Variants in RAB31 observed in about 807,000 individuals in gnomAD.
The protein encoded by RAB31 is RAB31, member RAS oncogene family.
A neutral mutation model predicts 25.6 loss-of-function variants in RAB31; 21 were observed. The observed-to-expected ratio is 0.82, with a 90% CI of 0.58 to 1.18. RAB31 has a LOEUF of 1.18. RAB31 is among the 50% of genes most tolerant of loss of function. The probability of loss-of-function intolerance (pLI) is 0.00; values close to 1 mark genes in which losing one functional copy is unlikely to be tolerated. For synonymous variants in RAB31, 87 were observed against 84.0 expected (o/e 1.04, Z -0.20); for missense variants, 196 against 250.1 (o/e 0.78, Z 1.46).
In RAB31 at chr18:9,752,044, C is replaced by T. The variant is rs567044887; in HGVS notation, c.40-23234C>T. Among the ~76,000 whole-genome samples, 6 of 152,288 alleles carry T rather than the reference C, an allele frequency of 3.9e-5. 1 individual carries two copies. The highest frequency in any genetic ancestry group is 1.4e-4 in the African/African-American group (6 of 41,574). ...TTAGCTCCTCTCTGCAACCCAGCTT[C>T]CTCTCGCCTTGCTGACTCTCCTGTA... On this transcript the variant is annotated intron_variant, in intron 1 of 6. Coordinates refer to ENST00000578921, the MANE Select transcript of RAB31 (RefSeq NM_006868.4).
chr18:9,810,905 A>T lies in RAB31; in HGVS notation c.202-3115A>T, dbSNP rs527509236. Among the ~76,000 whole-genome samples, 37 of 152,364 alleles carry T rather than the reference A, an allele frequency of 2.4e-4. No individual in the cohort carries two copies. In the South Asian group the frequency reaches 7.7e-3, roughly 32 times the overall value. On this transcript the variant is annotated intron_variant, in intron 3 of 6. Transcript: ENST00000578921. ...GTATAATTGGGGTAAAAGGATACTT[A>T]ATCTGCGGTCCTTACCCTTTGAAAA...
rs2068315387 is a variant in RAB31, at chr18:9,766,257, C to T, written c.40-9021C>T. 6.6e-6 allele frequency among the ~76,000 whole-genome samples: 1 copy of T among 152,202 alleles called. No homozygotes were observed. The highest frequency in any genetic ancestry group is 2.4e-5 in the African/African-American group (1 of 41,456). ...CTCTTTCCAGACAGGGCTGAGGCAC[C>T]CTCCTGCTCCAAGATGTGGAGGCGC... On this transcript the variant is annotated intron_variant, in intron 1 of 6. Coordinates refer to ENST00000578921, the MANE Select transcript of RAB31 (RefSeq NM_006868.4). This position sits in a 1 kb window ranked among gnomAD's most constrained non-coding sequence, Gnocchi z 4.3.
intron 1 of RAB31, among the ~76,000 whole-genome samples, chr18:9,739,683 TAGTGACTTC>T (rs1232540960): frequency 6.6e-6 from 1 of 152,214 alleles, no homozygotes; most frequent in East Asian, 1.9e-4. Context: ...TCCCAGATTA[TAGTGACTTC>T]AGCTTTTTCA....
At chr18:9,759,291 CT>C (rs2068275622) in intron 1 of RAB31, among the ~76,000 whole-genome samples, 1 of 152,118 alleles carries the variant, frequency 6.6e-6, no homozygotes, top group African/African-American at 2.4e-5. Context: ...CTGTCTCAGC[CT>C]CCCATGTACC....
chr18:9,816,861 G>A (rs1298517072), intron 5 of RAB31, among the ~76,000 whole-genome samples: 1 of 152,170 alleles, frequency 6.6e-6, no homozygotes, highest in Non-Finnish European at 1.5e-5. Flanking sequence ...TCATGCTTCT[G>A]GTTTTGCTAA....
intron 2 of RAB31, among the ~76,000 whole-genome samples, chr18:9,785,919 G>A (rs1359438257): frequency 6.6e-6 from 1 of 152,156 alleles, no homozygotes. Context: ...AAATTAGCCA[G>A]GTGTGGTGGT....
In RAB31 at chr18:9,829,289, C is replaced by T. The variant is rs112475797; in HGVS notation, c.380+14067C>T. Among the ~76,000 whole-genome samples, 1,247 of 152,176 alleles carry T rather than the reference C, an allele frequency of 8.2e-3. 21 individuals carry two copies. Among genetic ancestry groups the T allele is most frequent in the African/African-American group, 0.028 (1,180 of 41,534 alleles). ...GCATTTTCCAAGCAGTAGATTTGCCCGTTTTTGAACTTTGTAAGCGGAATG... is the reference window on the plus strand; with the variant it reads ...GCATTTTCCAAGCAGTAGATTTGCCTGTTTTTGAACTTTGTAAGCGGAATG... On this transcript the variant is annotated intron_variant, in intron 5 of 6. Coordinates refer to ENST00000578921, the MANE Select transcript of RAB31 (RefSeq NM_006868.4).
chr18:9,778,049 G>A (rs919019252), intron 2 of RAB31, among the ~76,000 whole-genome samples: 15 of 151,920 alleles, frequency 9.9e-5, no homozygotes, highest in African/African-American at 2.4e-4. Context: ...CACTGCACCC[G>A]GCCTGTAATG....
At chr18:9,770,889 G>T (rs1214003520) in intron 1 of RAB31, among the ~76,000 whole-genome samples, 2 of 147,170 alleles carry the variant, frequency 1.4e-5, no homozygotes, top group Admixed American at 1.4e-4. Context: ...TTAGGCCAGT[G>T]TGGTGACTCA....
chr18:9,760,365 G>A (rs959995716), intron 1 of RAB31, among the ~76,000 whole-genome samples: 3 of 151,938 alleles, frequency 2.0e-5, no homozygotes, highest in Admixed American at 2.0e-4. Flanking sequence ...TAGAGACAAG[G>A]TCTTGCCATG....
chr18:9,859,200 C>T lies in RAB31; in HGVS notation c.491-28C>T, dbSNP rs770145076. On this transcript the variant is annotated intron_variant, in intron 6 of 6. Transcript: ENST00000578921. ...GCAGTGTTGGCTGTAGGAAAGGGAACTCACCCTTGGCCTCCTTTTTGTTGC... is the reference window on the plus strand; with the variant it reads ...GCAGTGTTGGCTGTAGGAAAGGGAATTCACCCTTGGCCTCCTTTTTGTTGC... 9.6e-6 allele frequency: 15 copies of T among 1,567,026 alleles called. No individual in the cohort carries two copies. In the East Asian group the frequency reaches 2.9e-4, roughly 30 times the overall value.
chr18:9,858,952 T>A (rs760305422), intron 6 of RAB31, among the ~76,000 whole-genome samples: 1 of 152,078 alleles, frequency 6.6e-6, no homozygotes, highest in Non-Finnish European at 1.5e-5. Context: ...TGGATCTTCC[T>A]AGCCCAGGAA....
At chr18:9,725,763 TC>T (rs1303056477) in intron 1 of RAB31, among the ~76,000 whole-genome samples, 1 of 152,218 alleles carries the variant, frequency 6.6e-6, no homozygotes, top group Non-Finnish European at 1.5e-5. Context: ...AATGTTAGGG[TC>T]CTGGTCAGGT....
intron 3 of RAB31, among the ~76,000 whole-genome samples, chr18:9,797,056 A>G (rs1307355254): frequency 1.3e-5 from 2 of 152,250 alleles, no homozygotes; most frequent in Non-Finnish European, 2.9e-5. Flanking sequence ...AATTGAGAAC[A>G]CAGACTTCTG....
intron 3 of RAB31, among the ~76,000 whole-genome samples, chr18:9,811,160 C>T (rs2143070334): frequency 6.6e-6 from 1 of 152,286 alleles, no homozygotes; most frequent in South Asian, 2.1e-4. Context: ...GTGGGTGGCG[C>T]CGGCCCTTCA....
intron 1 of RAB31, among the ~76,000 whole-genome samples, chr18:9,734,102 A>AGGGAGGGAG (rs2068137417): frequency 2.0e-5 from 1 of 49,066 alleles, no homozygotes; most frequent in African/African-American, 1.1e-4. Flanking sequence ...GGTGGCGGGG[A>AGGGAGGGAG]GGAGGGAGGG....
chr18:9,711,872 T>G (rs2068019246), intron 1 of RAB31, among the ~76,000 whole-genome samples: 1 of 152,256 alleles, frequency 6.6e-6, no homozygotes, highest in African/African-American at 2.4e-5. Context: ...GGTCTTTTTG[T>G]GCCTGGTACT....
chr18:9,835,595 A>G (rs1276655682), intron 5 of RAB31, among the ~76,000 whole-genome samples: 5 of 152,234 alleles, frequency 3.3e-5, no homozygotes, highest in Non-Finnish European at 7.3e-5. Flanking sequence ...GTTATTAAGT[A>G]GGTGAGGCCC....
rs542330006 is a variant in RAB31, at chr18:9,778,188, A to T, written c.119+2831A>T. ...ATAGGGTAGTTACGTAATTTTGGTC[A>T]CAATCTCTTGGTCAAAGAAAGTTGC... On this transcript the variant is annotated intron_variant, in intron 2 of 6. Coordinates refer to ENST00000578921, the MANE Select transcript of RAB31 (RefSeq NM_006868.4). 1.3e-4 allele frequency among the ~76,000 whole-genome samples: 20 copies of T among 152,332 alleles called. No individual in the cohort carries two copies. The South Asian group carries it at 3.5e-3, about 27-fold the overall frequency.
Sources: allele counts gnomAD v4.1 joint callset (sites outside exome capture counted in the v4.1 genomes callset), GRCh38; gene constraint gnomAD v4.1.1; non-coding constraint Gnocchi (gnomAD v3.1); transcripts MANE v1.5; gene names NCBI Gene and HGNC (gene_info 2026-07-23, HGNC 2026-07-21).